The following ELMO2 variants were observed in gnomAD, a reference collection of about 807,000 sequenced individuals.
The protein encoded by ELMO2 is engulfment and cell motility protein 2.
Under a neutral mutation model 96.2 loss-of-function variants are expected in ELMO2, and 37 were observed. The ratio of observed to expected loss-of-function variants is 0.38; its 90% CI spans 0.30 to 0.51. The LOEUF (loss-of-function observed/expected upper bound fraction) is 0.51, where lower values mean the gene tolerates loss of function less well. ELMO2 is among the 20% of genes least tolerant of loss of function. The probability of loss-of-function intolerance (pLI) is 0.88; values close to 1 mark genes in which losing one functional copy is unlikely to be tolerated. For synonymous variants in ELMO2, 315 were observed against 329.4 expected (o/e 0.96, Z 0.47); for missense variants, 561 against 912.6 (o/e 0.61, Z 4.96).
intron 2 of ELMO2, among the ~76,000 whole-genome samples, chr20:46,397,303 T>A (rs1185249459): frequency 1.3e-5 from 2 of 152,214 alleles, no homozygotes; most frequent in African/African-American, 2.4e-5. Context: ...TCCACAACCC[T>A]GCCATAGCTG....
rs550108533 is a variant in ELMO2 at position 46,381,779 on chromosome 20, C to T, written c.757-1476G>A. Among the ~76,000 whole-genome samples, 63 of 152,320 alleles carry T rather than the reference C, an allele frequency of 4.1e-4. 1 individual carries two copies. Among genetic ancestry groups the T allele is most frequent in the African/African-American group, 1.5e-3 (62 of 41,556 alleles). ...ATGAAGAAATGAGCATCCAAATTCC[C>T]TTTTGTCGATTGTCTAAACCTTTTC... is the stretch of plus-strand genomic sequence containing the variant. On this transcript the variant is annotated intron_variant, in intron 10 of 21. Transcript: ENST00000290246.
intron 6 of ELMO2, among the ~76,000 whole-genome samples, chr20:46,390,282 C>T (rs867805960): frequency 1.3e-5 from 2 of 152,160 alleles, no homozygotes; most frequent in Non-Finnish European, 2.9e-5. Context: ...CTGTCAAAGA[C>T]GCTGTAGAAG....
At chr20:46,383,664 T>C (rs529436409) in intron 9 of ELMO2, among the ~76,000 whole-genome samples, 170 bp from the exon 10 acceptor site, 24 of 152,360 alleles carry the variant, frequency 1.6e-4, no homozygotes, top group African/African-American at 5.3e-4. Context: ...ATTTCACTAA[T>C]AGGAATTTAT....
intron 15 of ELMO2, 100 bp downstream of exon 15, chr20:46,374,232 A>G (rs1266867402): frequency 1.1e-6 from 1 of 915,154 alleles, no homozygotes; most frequent in Admixed American, 2.0e-5. Context: ...GTGAACCACC[A>G]CGCCCGACCC....
Position 46,374,312 on chromosome 20 carries a change from A to G in ELMO2, c.1279+20T>C, listed in dbSNP as rs778360940. ...TGATGACAAGGAATGGCTGAAGAAG[A>G]GGGAGCTGCAGAGACTTACGTAGTT... On this transcript the variant is annotated intron_variant, in intron 15 of 21. Transcript: ENST00000290246. 250 of 1,585,228 alleles carry G rather than the reference A, an allele frequency of 1.6e-4. No individual in the cohort carries two copies. Among genetic ancestry groups the G allele is most frequent in the Non-Finnish European group, 2.1e-4 (237 of 1,154,216 alleles).
chr20:46,393,235 T>C, intron 5 of ELMO2, 92 bp from the exon 6 acceptor site: 2 of 1,294,596 alleles, frequency 1.5e-6, no homozygotes, highest in South Asian at 2.4e-5. Flanking sequence ...TTTGTCTTTT[T>C]TACAGTAGAT....
Position 46,369,961 on chromosome 20 carries a change from G to GTGT in ELMO2, c.1884+481_1884+482insACA, listed in dbSNP as rs2059665607. 1.6e-3 allele frequency: 80 copies of GTGT among 50,258 alleles called. 1 individual carries two copies. Among genetic ancestry groups the GTGT allele is most frequent in the East Asian group, 5.0e-3 (13 of 2,576 alleles). 3.1% of individuals were successfully genotyped at this position (50,258 alleles called of 1,614,324 possible). ...CTGGTTTAGACAAGATGGGTATGGG[G>GTGT]GTGTGTGTGTGTGTGTGTGTGTGTG... On this transcript the variant is annotated intron_variant, in intron 20 of 21. Transcript: ENST00000290246.
At position 46,389,027 on chromosome 20, in the gene ELMO2, A is replaced by G. The variant is rs1175833327; in HGVS notation, c.425+12T>C. On this transcript the variant is annotated intron_variant, in intron 7 of 21. Coordinates refer to ENST00000290246, the MANE Select transcript of ELMO2 (RefSeq NM_133171.5). ...GTCGAAGTCCTTGGAACGAGACCTT[A>G]GTCATACTCACTGGGACAAGAGCTT... The G allele has an allele frequency of 1.2e-6, 2 of 1,610,062 alleles. No individual in the cohort carries two copies. Among genetic ancestry groups the G allele is most frequent in the African/African-American group, 2.7e-5 (2 of 74,850 alleles).
At chr20:46,388,592 CGTGTGTGTGT>C (rs3079791) in intron 7 of ELMO2, among the ~76,000 whole-genome samples, 9 of 148,122 alleles carry the variant, frequency 6.1e-5, no homozygotes, top group South Asian at 4.4e-4. Flanking sequence ...CAAAGGAAGG[CGTGTGTGTGT>C]GTGTGTGTGT....
rs545714537 is a variant in ELMO2, at chr20:46,367,578, C to T, written c.1963-18G>A. The T allele has an allele frequency of 1.3e-6, 2 of 1,585,464 alleles. No individual in the cohort carries two copies. Among genetic ancestry groups the T allele is most frequent in the Non-Finnish European group, 8.6e-7 (1 of 1,166,260 alleles). ...ATGCAGTACTGTGGGGAGCAAGTTGCAAAATGTCACATCGTGACCCCTGGT... is the reference window on the plus strand; with the variant it reads ...ATGCAGTACTGTGGGGAGCAAGTTGTAAAATGTCACATCGTGACCCCTGGT... On this transcript the variant is annotated intron_variant, in intron 21 of 21. Transcript: ENST00000290246.
intron 8 of ELMO2, among the ~76,000 whole-genome samples, chr20:46,386,610 A>G (rs1481692655): frequency 6.6e-6 from 1 of 152,202 alleles, no homozygotes; most frequent in African/African-American, 2.4e-5. Flanking sequence ...TTTTATCTCC[A>G]TGTACCTCCC....
chr20:46,385,969 G>A (rs2060033585), intron 9 of ELMO2, among the ~76,000 whole-genome samples, 155 bp downstream of exon 9: 2 of 152,144 alleles, frequency 1.3e-5, no homozygotes, highest in Admixed American at 6.5e-5. Flanking sequence ...AATGATGGGA[G>A]AAATTCTGGC....
At chr20:46,368,153 A>G (rs2059623141) in intron 21 of ELMO2, among the ~76,000 whole-genome samples, 1 of 152,042 alleles carries the variant, frequency 6.6e-6, no homozygotes. Flanking sequence ...CTGGTTCCCC[A>G]CTTGCTTGTT....
At chr20:46,377,632 A>G (rs948295169) in intron 11 of ELMO2, among the ~76,000 whole-genome samples, 6 of 152,260 alleles carry the variant, frequency 3.9e-5, no homozygotes, top group African/African-American at 1.4e-4. Flanking sequence ...CATTGTGGAC[A>G]GCACTTCCAT....
At chr20:46,376,665 T>G in intron 11 of ELMO2, 1 of 1,289,618 alleles carries the variant, frequency 7.8e-7, no homozygotes, top group Non-Finnish European at 1.0e-6. Flanking sequence ...GCTTCCCTTC[T>G]TGCTCCCTTG....
chr20:46,375,939 A>G lies in ELMO2; in HGVS notation c.808-149T>C, dbSNP rs2059852056. 8.9e-7 allele frequency: 1 copy of G among 1,123,154 alleles called. No homozygotes were observed. Among genetic ancestry groups the G allele is most frequent in the Non-Finnish European group, 1.2e-6 (1 of 805,740 alleles). The allele number at this position is 1,123,154 out of a possible 1,614,324, so 69.6% of individuals were successfully genotyped here. The stretch of plus-strand genomic sequence containing the variant: ...GACTTCATATTCTAGAAGGCGATGG[A>G]GCATGAATGGGCTTGGTTCAGGCAG... On this transcript the variant is annotated intron_variant, in intron 11 of 21. Coordinates refer to ENST00000290246, the MANE Select transcript of ELMO2 (RefSeq NM_133171.5). The surrounding 1 kb of genome is among the most constrained non-coding windows in gnomAD (Gnocchi z 4.6).
chr20:46,394,381 C>T (rs752147269), intron 3 of ELMO2, 24 bp downstream of exon 3: 1 of 1,613,750 alleles, frequency 6.2e-7, no homozygotes, highest in South Asian at 1.1e-5. Flanking sequence ...CCTTGAACCA[C>T]TGCTTCTCAC....
At chr20:46,394,138 T>C in intron 3 of ELMO2, 49 bp from the exon 4 acceptor site, 1 of 1,544,366 alleles carries the variant, frequency 6.5e-7, no homozygotes. Flanking sequence ...ATCCTACTCA[T>C]GCCAAGGTTC....
intron 2 of ELMO2, among the ~76,000 whole-genome samples, chr20:46,397,311 C>T (rs1483995739): frequency 6.6e-6 from 1 of 152,244 alleles, no homozygotes. Flanking sequence ...CCTGCCATAG[C>T]TGATGGGACT....
Sources: gnomAD v4.1 joint callset for allele counts (sites outside exome capture counted in the v4.1 genomes callset) on GRCh38, gnomAD v4.1.1 for gene constraint, Gnocchi (gnomAD v3.1) non-coding constraint, MANE v1.5 for transcripts, NCBI Gene and HGNC (gene_info 2026-07-23, HGNC 2026-07-21) for gene names.